Variants in OGFRL1 observed in about 807,000 individuals in gnomAD.
OGFRL1 encodes the protein opioid growth factor receptor-like protein 1.
In OGFRL1, 26 loss-of-function variants were observed where a neutral mutation model predicts 32.4. The observed-to-expected ratio is 0.80, with a 90% CI of 0.59 to 1.11. OGFRL1 has a LOEUF of 1.11. Among genes scored for constraint, OGFRL1 ranks in the 50% most tolerant of loss-of-function variants. OGFRL1 has a pLI of 0.00. For missense variants in OGFRL1, 521 were observed against 546.4 expected (o/e 0.95, Z 0.46); for synonymous variants, 211 against 201.2 (o/e 1.05, Z -0.41).
At chr6:71,296,651 T>G (rs1469827400) in intron 5 of OGFRL1, 21 bp from the exon 6 acceptor site, 1 of 1,608,794 alleles carries the variant, frequency 6.2e-7, no homozygotes, top group South Asian at 1.1e-5. Flanking sequence ...TTCAGGTGAC[T>G]TTTTTCATTT....
Position 71,289,252 on chromosome 6 carries a change from T to G in OGFRL1, c.234+82T>G, listed in dbSNP as rs531620075. ...GGCAAGTGCCAAGCCGCCCTCGCGC[T>G]CGGAGGCCAGGGGCGCCAGGTGGCT... On this transcript the variant is annotated intron_variant, in intron 1 of 6. Transcript: ENST00000370435. 4.9e-6 allele frequency: 5 copies of G among 1,021,168 alleles called. No individual in the cohort carries two copies. In the South Asian group the frequency reaches 1.8e-4, roughly 36 times the overall value. The allele number at this position is 1,021,168 out of a possible 1,614,324, so 63.3% of individuals were successfully genotyped here.
At chr6:71,293,021 C>T (rs186176075) in intron 1 of OGFRL1, among the ~76,000 whole-genome samples, 41 of 152,214 alleles carry the variant, frequency 2.7e-4, no homozygotes, top group Admixed American at 3.3e-4. Flanking sequence ...TGATCCATAA[C>T]ATTGGCCTCT....
Position 71,301,729 on chromosome 6 carries a change from G to T in OGFRL1, c.1036G>T (p.Ala346Ser). The change falls in exon 7 of 7, where the codon GCC becomes TCC. Residue 346 changes from alanine (A) to serine (S), a missense_variant. Ala to Ser is a moderately conservative substitution (Grantham distance 99). Coordinates refer to ENST00000370435, the MANE Select transcript of OGFRL1 (RefSeq NM_024576.5). Reference protein sequence around the residue: ...HNSQTSMHKKAKDSKNSSSAV... With the variant: ...HNSQTSMHKKSKDSKNSSSAV... ...CAGTCAAACTTCTATGCACAAAAAAGCCAAGGACTCCAAAAATTCCTCCTC... is the reference window on the plus strand; with the variant it reads ...CAGTCAAACTTCTATGCACAAAAAATCCAAGGACTCCAAAAATTCCTCCTC... 1.2e-6 allele frequency: 2 copies of T among 1,613,842 alleles called. No homozygotes were observed. Among genetic ancestry groups the T allele is most frequent in the Non-Finnish European group, 1.7e-6 (2 of 1,180,002 alleles).
rs184362435 is a variant in OGFRL1 at position 71,295,462 on chromosome 6, G to A, written c.401-855G>A. On this transcript the variant is annotated intron_variant, in intron 3 of 6. Transcript: ENST00000370435. ...ATTGTAAGGACCTTGACAGACTTAG[G>A]AACAGGAGGATTTTGTTTTTGTAAG... 4.6e-5 allele frequency: 7 copies of A among 152,324 alleles called. No individual in the cohort carries two copies. In the East Asian group the frequency reaches 1.3e-3, roughly 29 times the overall value. The allele number at this position is 152,324 out of a possible 1,614,324, so 9.4% of individuals were successfully genotyped here.
rs1766618236 is a variant in OGFRL1 at position 71,308,381 on chromosome 6, A to C, written c.*6332A>C. On this transcript the variant is annotated 3_prime_UTR_variant, in exon 7 of 7. Coordinates refer to ENST00000370435, the MANE Select transcript of OGFRL1 (RefSeq NM_024576.5). Reference sequence around the variant, plus strand: ...AGGGCTTTAAGTTGTTTCCTATGTAAGGTAATCTTTCTTTTTTAGTATTAT... The same window carrying C: ...AGGGCTTTAAGTTGTTTCCTATGTACGGTAATCTTTCTTTTTTAGTATTAT... 6.6e-6 allele frequency: 1 copy of C among 152,242 alleles called. No homozygotes were observed. Among genetic ancestry groups the C allele is most frequent in the African/African-American group, 2.4e-5 (1 of 41,468 alleles). 9.4% of individuals were successfully genotyped at this position (152,242 alleles called of 1,614,324 possible).
rs779816617 is a variant in OGFRL1 at position 71,293,318 on chromosome 6, C to T, written c.260C>T (p.Ala87Val). Reference sequence around the variant, plus strand: ...GGTGGTGATTCCACTGAAGCAACTGCCAAACCAAAGAGAAGTTTTTATGCT... The same window carrying T: ...GGTGGTGATTCCACTGAAGCAACTGTCAAACCAAAGAGAAGTTTTTATGCT... ...EQGGDSTEAT[A>V]KPKRSFYAAR... is the part of the protein sequence containing the mutation. Residue 87 changes from alanine (A) to valine (V), a missense_variant, in exon 2 of 7, where the codon GCC becomes GTC. Ala to Val is a moderately conservative substitution (Grantham distance 64). Coordinates refer to ENST00000370435, the MANE Select transcript of OGFRL1 (RefSeq NM_024576.5). 70 of 1,613,632 alleles carry T rather than the reference C, an allele frequency of 4.3e-5. No individual in the cohort carries two copies. The highest frequency in any genetic ancestry group is 5.6e-5 in the Non-Finnish European group (66 of 1,179,800).
intron 1 of OGFRL1, chr6:71,291,528 G>A (rs1766051369): frequency 1.3e-5 from 2 of 152,220 alleles, no homozygotes; most frequent in Admixed American, 1.3e-4. Context: ...ATCGAGAAGA[G>A]AGGGAAATTT....
At chr6:71,301,317 A>G (rs1443158327) in intron 6 of OGFRL1, 69 bp from the exon 7 acceptor site, 6 of 1,292,924 alleles carry the variant, frequency 4.6e-6, no homozygotes, top group Middle Eastern at 1.9e-4. Context: ...TATTTTCCCA[A>G]TAGTTTTCAT....
rs754346241 is a variant in OGFRL1 at position 71,289,018 on chromosome 6, G to A, written c.82G>A (p.Glu28Lys). 7.4e-7 allele frequency: 1 copy of A among 1,356,608 alleles called. No homozygotes were observed. Among genetic ancestry groups the A allele is most frequent in the Non-Finnish European group, 9.6e-7 (1 of 1,037,138 alleles). 84.0% of individuals were successfully genotyped at this position (1,356,608 alleles called of 1,614,324 possible). ...DCDSTWQTDS[E>K]PEPEEPGPGG... The stretch of plus-strand genomic sequence containing the variant: ...CGACTCCACCTGGCAGACCGACTCG[G>A]AGCCCGAGCCCGAAGAACCAGGGCC... The change falls in exon 1 of 7, where the codon GAG becomes AAG. Residue 28 changes from glutamate (E) to lysine (K), a missense_variant. Physicochemically the swap from Glu to Lys is moderately conservative, Grantham distance 56. Transcript: ENST00000370435.
chr6:71,296,597 C>G, intron 5 of OGFRL1, 36 bp downstream of exon 5: 1 of 1,606,844 alleles, frequency 6.2e-7, no homozygotes. Flanking sequence ...ACAGGGTGGC[C>G]AAATAATATT....
At position 71,288,830 on chromosome 6, in the gene OGFRL1, T is replaced by C. The variant is rs1209130561; in HGVS notation, c.-107T>C. 2 of 828,858 alleles carry C rather than the reference T, an allele frequency of 2.4e-6. No homozygotes were observed. Among genetic ancestry groups the C allele is most frequent in the East Asian group, 1.0e-4 (1 of 9,622 alleles). The allele number at this position is 828,858 out of a possible 1,614,324, so 51.3% of individuals were successfully genotyped here. On this transcript the variant is annotated 5_prime_UTR_variant, in exon 1 of 7. Transcript: ENST00000370435. The stretch of plus-strand genomic sequence containing the variant: ...TGAGGCAGTGCGGGGCGGGCGCGCC[T>C]AGGCTGCCGCCCAGCGCCCTCGCCG...
intron 3 of OGFRL1, chr6:71,295,370 G>A (rs1374197918): frequency 6.6e-6 from 1 of 152,158 alleles, no homozygotes; most frequent in Admixed American, 6.5e-5. Flanking sequence ...AGAATGAGAT[G>A]AGTTATGTTC....
At position 71,301,550 on chromosome 6, in the gene OGFRL1, C is replaced by T. The variant is rs770681585; in HGVS notation, c.857C>T (p.Thr286Ile). Residue 286 changes from threonine (T) to isoleucine (I), a missense_variant, in exon 7 of 7, where the codon ACA becomes ATA. Thr to Ile is a moderately conservative substitution (Grantham distance 89, BLOSUM62 -1). Coordinates refer to ENST00000370435, the MANE Select transcript of OGFRL1 (RefSeq NM_024576.5). ...KQSALEYFVY[T>I]IRDRRERRKL... ...AGTGCTCTAGAGTATTTTGTTTATA[C>T]AATTAGAGACAGAAGAGAAAGGAGA... is the stretch of plus-strand genomic sequence containing the variant. 5 of 1,614,086 alleles carry T rather than the reference C, an allele frequency of 3.1e-6. No individual in the cohort carries two copies. The highest frequency in any genetic ancestry group is 1.1e-5 in the South Asian group (1 of 91,064).
rs969581899 is a variant in OGFRL1 at position 71,307,677 on chromosome 6, A to G, written c.*5628A>G. 33 of 148,846 alleles carry G rather than the reference A, an allele frequency of 2.2e-4. No homozygotes were observed. Among genetic ancestry groups the G allele is most frequent in the Non-Finnish European group, 4.6e-5 (3 of 65,756 alleles). 9.2% of individuals were successfully genotyped at this position (148,846 alleles called of 1,614,324 possible). A position where few individuals can be genotyped will look rare whatever the true frequency, so the allele number is the denominator to read the frequency against. ...GGGTTTGTCATAGTTTTACTTTTTA[A>G]ATTATACTTTGTGTAACAATTTACG... On this transcript the variant is annotated 3_prime_UTR_variant, in exon 7 of 7. Transcript: ENST00000370435.
At chr6:71,297,974 C>A (rs1297378724) in intron 6 of OGFRL1, among the ~76,000 whole-genome samples, 2 of 119,298 alleles carry the variant, frequency 1.7e-5, no homozygotes, top group East Asian at 3.0e-4. Flanking sequence ...CCACAACAGA[C>A]CCCGGTGTGT....
intron 6 of OGFRL1, among the ~76,000 whole-genome samples, chr6:71,297,233 T>C (rs1020092702): frequency 1.3e-4 from 20 of 152,186 alleles, no homozygotes; most frequent in African/African-American, 3.9e-4. Context: ...ATTAAATTCA[T>C]GCATTAAGCC....
In OGFRL1 at chr6:71,293,240, T is replaced by C. The variant is rs1447873492; in HGVS notation, c.235-53T>C. 4 of 1,457,450 alleles carry C rather than the reference T, an allele frequency of 2.7e-6. No individual in the cohort carries two copies. The African/African-American group carries it at 5.6e-5, about 20-fold the overall frequency. The allele number at this position is 1,457,450 out of a possible 1,614,324, so 90.3% of individuals were successfully genotyped here. ...CCTTAAGTTTGTTCTGGAAATTTCT[T>C]TGTGAAATTATCTTGCGTCAACATG... On this transcript the variant is annotated intron_variant, in intron 1 of 6. Transcript: ENST00000370435.
rs754719761 is a variant in OGFRL1, at chr6:71,288,923, C to T, written c.-14C>T. ...CCGCAGCCCCGCAGCCCCGCGCCCG[C>T]CGCCGCCTCTTCAATGGGCAACCTG... is the stretch of plus-strand genomic sequence containing the variant. On this transcript the variant is annotated 5_prime_UTR_variant, in exon 1 of 7. Transcript: ENST00000370435. 3 of 1,329,234 alleles carry T rather than the reference C, an allele frequency of 2.3e-6. No homozygotes were observed. The highest frequency in any genetic ancestry group is 2.9e-6 in the Non-Finnish European group (3 of 1,022,842). 82.3% of individuals were successfully genotyped at this position (1,329,234 alleles called of 1,614,324 possible).
intron 1 of OGFRL1, chr6:71,289,889 C>A (rs1030421106): frequency 7.8e-6 from 7 of 899,368 alleles, no homozygotes; most frequent in Non-Finnish European, 8.0e-6. Flanking sequence ...AAATATGTAG[C>A]CGACCCCCTG....
Sources: gnomAD v4.1 joint callset for allele counts (sites outside exome capture counted in the v4.1 genomes callset) on GRCh38, gnomAD v4.1.1 for gene constraint, MANE v1.5 for transcripts, NCBI Gene and HGNC (gene_info 2026-07-23, HGNC 2026-07-21) for gene names.